ATP11A: variants seen among roughly 807,000 people sequenced by gnomAD.
The protein encoded by ATP11A is phospholipid-transporting ATPase IH.
Under a neutral mutation model 154.4 loss-of-function variants are expected in ATP11A, and 81 were observed. The observed-to-expected ratio is 0.52, with a 90% confidence interval of 0.44 to 0.63. ATP11A has a LOEUF of 0.63. ATP11A is among the 30% of genes least tolerant of loss of function. ATP11A has a pLI of 0.00. For synonymous variants in ATP11A, 623 were observed against 585.9 expected, an observed-to-expected ratio of 1.06 and a Z score of -0.91; for missense variants, 1,316 against 1,474.3, an observed-to-expected ratio of 0.89 and a Z score of 1.76.
intron 1 of ATP11A, among the ~76,000 whole-genome samples, chr13:112,761,020 C>T (rs568230809): frequency 6.6e-6 from 1 of 152,322 alleles, no homozygotes; most frequent in South Asian, 2.1e-4. Flanking sequence ...CTTGTGCACC[C>T]TTCTGGGGAG....
chr13:112,779,760 C>G (rs2077453227), intron 1 of ATP11A, among the ~76,000 whole-genome samples: 1 of 152,110 alleles, frequency 6.6e-6, no homozygotes, highest in Non-Finnish European at 1.5e-5. Context: ...ACAAAATTAG[C>G]TGGACGTGGT....
rs1473861288 is a variant in ATP11A, at chr13:112,862,031, C to A, written c.2856-409C>A. ...TCACAGCAGGCGTAAGGCGTCACGT[C>A]AGGCGTAAGGTGTCACAGCAGGCGT... On this transcript the variant is annotated intron_variant, in intron 24 of 29. Transcript: ENST00000375645. 7.1e-5 allele frequency among the ~76,000 whole-genome samples: 7 copies of A among 99,220 alleles called. No individual in the cohort carries two copies. The Admixed American group carries it at 8.1e-4, about 12-fold the overall frequency. The allele number at this position is 99,220 out of a possible 152,430, so 65.1% of individuals were successfully genotyped here.
Position 112,850,796 on chromosome 13 carries a change from A to G in ATP11A, c.1810-241A>G, listed in dbSNP as rs931562511. Among the ~76,000 whole-genome samples, 4 of 152,240 alleles carry G rather than the reference A, an allele frequency of 2.6e-5. No individual in the cohort carries two copies. The South Asian group carries it at 6.2e-4, about 24-fold the overall frequency. Reference sequence around the variant, plus strand: ...TAGTCTGAAAATGCTGTAATCCATAATGATTCTTGGTATTTAATGTAGACT... The same window carrying G: ...TAGTCTGAAAATGCTGTAATCCATAGTGATTCTTGGTATTTAATGTAGACT... On this transcript the variant is annotated intron_variant, in intron 17 of 29. Coordinates refer to ENST00000375645, the MANE Select transcript of ATP11A (RefSeq NM_015205.3).
intron 1 of ATP11A, among the ~76,000 whole-genome samples, chr13:112,784,504 C>T (rs140198084): frequency 0.018 from 2,751 of 151,836 alleles, 45 homozygotes; most frequent in Non-Finnish European, 0.027. Flanking sequence ...GGAAGCCTTA[C>T]GATTTGGCCA....
intron 1 of ATP11A, among the ~76,000 whole-genome samples, chr13:112,775,839 C>T (rs530044431): frequency 2.6e-5 from 4 of 152,312 alleles, no homozygotes; most frequent in South Asian, 4.1e-4. Flanking sequence ...AGGGCGGGCG[C>T]GACTTAGTTC....
chr13:112,777,335 G>A (rs1433185957), intron 1 of ATP11A, among the ~76,000 whole-genome samples: 2 of 152,166 alleles, frequency 1.3e-5, no homozygotes, highest in South Asian at 2.1e-4. Flanking sequence ...ATGCTGAGGC[G>A]GGCAAATCAC....
chr13:112,813,080 G>A (rs1401103490), intron 5 of ATP11A, among the ~76,000 whole-genome samples: 3 of 152,080 alleles, frequency 2.0e-5, no homozygotes, highest in African/African-American at 7.3e-5. Flanking sequence ...TGCTAAACAG[G>A]CTACTCAGGA....
chr13:112,852,096 A>G (rs745787361), intron 18 of ATP11A, among the ~76,000 whole-genome samples: 6 of 152,206 alleles, frequency 3.9e-5, no homozygotes, highest in African/African-American at 7.2e-5. Context: ...GGCTGAGGCC[A>G]CTAAGAAACA....
At chr13:112,825,048 T>C (rs1317046262) in intron 10 of ATP11A, among the ~76,000 whole-genome samples, 3 of 152,206 alleles carry the variant, frequency 2.0e-5, no homozygotes, top group Non-Finnish European at 2.9e-5. Context: ...TTCCTTCCTC[T>C]ACAGTGGTGG....
chr13:112,809,772 A>T (rs924419482), intron 4 of ATP11A, among the ~76,000 whole-genome samples: 1 of 152,178 alleles, frequency 6.6e-6, no homozygotes, highest in Non-Finnish European at 1.5e-5. Flanking sequence ...CAGCAACGCC[A>T]AACACAAAGG....
intron 29 of ATP11A, among the ~76,000 whole-genome samples, chr13:112,879,308 T>C (rs529536260): frequency 6.6e-6 from 1 of 152,274 alleles, no homozygotes; most frequent in Non-Finnish European, 1.5e-5. Context: ...ATGGTCCTTT[T>C]TTAAGTCCAA....
intron 1 of ATP11A, among the ~76,000 whole-genome samples, chr13:112,742,084 A>G (rs939071600): frequency 6.6e-5 from 10 of 152,088 alleles, no homozygotes; most frequent in African/African-American, 2.4e-4. Flanking sequence ...CACGTGTCCT[A>G]AGTATGGGTG....
intron 27 of ATP11A, 52 bp downstream of exon 27, chr13:112,873,728 T>C (rs755451003): frequency 8.4e-6 from 13 of 1,539,870 alleles, no homozygotes; most frequent in Admixed American, 3.4e-5. Flanking sequence ...GTGGTTGTTA[T>C]TTTTTTATCA....
chr13:112,784,541 T>G (rs1403255590), intron 1 of ATP11A, among the ~76,000 whole-genome samples: 1 of 151,434 alleles, frequency 6.6e-6, no homozygotes, highest in Admixed American at 6.6e-5. Flanking sequence ...TTTTTTTTTT[T>G]GAGACAGAGT....
Position 112,741,184 on chromosome 13 carries a change from G to A in ATP11A, c.40-43951G>A, listed in dbSNP as rs1219551255. ...TTCCACAGAGCTTTATGTTTTTTTGGGAGGCTGGGGACTGGGGAGGTGAGG... is the reference window on the plus strand; with the variant it reads ...TTCCACAGAGCTTTATGTTTTTTTGAGAGGCTGGGGACTGGGGAGGTGAGG... On this transcript the variant is annotated intron_variant, in intron 1 of 29. Coordinates refer to ENST00000375645, the MANE Select transcript of ATP11A (RefSeq NM_015205.3). Among the ~76,000 whole-genome samples the A allele has an allele frequency of 2.0e-5, 3 of 152,188 alleles. No individual in the cohort carries two copies. In the East Asian group the frequency reaches 5.8e-4, roughly 29 times the overall value.
intron 1 of ATP11A, among the ~76,000 whole-genome samples, chr13:112,782,984 T>C (rs2077536718): frequency 6.6e-6 from 1 of 152,212 alleles, no homozygotes; most frequent in East Asian, 1.9e-4. Context: ...GAAAACACAG[T>C]TGGGGCACAT....
intron 25 of ATP11A, among the ~76,000 whole-genome samples, chr13:112,862,971 A>G (rs1161716984): frequency 1.4e-5 from 2 of 144,858 alleles, no homozygotes; most frequent in Admixed American, 6.8e-5. Flanking sequence ...ATCCATCACC[A>G]CGTGCACAGT....
At chr13:112,803,745 C>G (rs1237061277) in intron 2 of ATP11A, among the ~76,000 whole-genome samples, 13 of 122,432 alleles carry the variant, frequency 1.1e-4, no homozygotes, top group Non-Finnish European at 2.1e-4. Flanking sequence ...CCTTCCCCTC[C>G]TTCTCTCATT....
intron 1 of ATP11A, among the ~76,000 whole-genome samples, chr13:112,777,925 G>C (rs956211054): frequency 6.6e-6 from 1 of 152,228 alleles, no homozygotes; most frequent in Admixed American, 6.5e-5. Flanking sequence ...TCTCGGAGGT[G>C]CTCTTATGGC....
Sources: gnomAD v4.1 joint callset for allele counts (sites outside exome capture counted in the v4.1 genomes callset) on GRCh38, gnomAD v4.1.1 for gene constraint, MANE v1.5 for transcripts, NCBI Gene and HGNC (gene_info 2026-07-23, HGNC 2026-07-21) for gene names.